The following CNTN6 variants were observed in gnomAD, a reference collection of about 807,000 sequenced individuals.
CNTN6 encodes contactin-6.
A neutral mutation model predicts 122.8 loss-of-function variants in CNTN6; 137 were observed. That is an observed-to-expected ratio of 1.12 (90% CI 0.97 to 1.29). The LOEUF is 1.29. Ranked by LOEUF, CNTN6 falls within the 50% of genes most tolerant of loss-of-function variation. The pLI is 0.00. For synonymous variants in CNTN6, 570 were observed against 426.0 expected, an observed-to-expected ratio of 1.34 and a Z score of -4.16; for missense variants, 1,634 against 1,223.4, an observed-to-expected ratio of 1.34 and a Z score of -5.01.
In CNTN6 at chr3:1,372,956, GTAAGCA is replaced by G. The variant is rs1709281422; in HGVS notation, c.1786+5_1786+10del. 6.6e-7 allele frequency: 1 copy of G among 1,519,190 alleles called. No individual in the cohort carries two copies. The highest frequency in any genetic ancestry group is 2.3e-5 in the East Asian group (1 of 43,884). The allele number at this position is 1,519,190 out of a possible 1,614,324, so 94.1% of individuals were successfully genotyped here. On this transcript the variant is annotated splice_donor_variant and splice_donor_5th_base_variant and intron_variant, in intron 14 of 22. Transcript: ENST00000446702. LOFTEE classifies it high-confidence loss of function. ...GCAGTAGCCGATATCATTGTTAGAG[GTAAGCA>G]TAAATGGTGAAAAAGTGATCACATT...
At chr3:1,311,715 G>A (rs1000436238) in intron 7 of CNTN6, among the ~76,000 whole-genome samples, 2 of 151,288 alleles carry the variant, frequency 1.3e-5, no homozygotes, top group African/African-American at 4.8e-5. Flanking sequence ...TCTTATTTCA[G>A]TATACATATA....
intron 4 of CNTN6, among the ~76,000 whole-genome samples, chr3:1,243,948 GA>G (rs1275873676): frequency 6.6e-6 from 1 of 152,122 alleles, no homozygotes; most frequent in African/African-American, 2.4e-5. Flanking sequence ...GAGGATCTGG[GA>G]GGAATCGCAT....
At chr3:1,337,802 C>A (rs1371724534) in intron 11 of CNTN6, among the ~76,000 whole-genome samples, 1 of 152,124 alleles carries the variant, frequency 6.6e-6, no homozygotes, top group East Asian at 1.9e-4. Context: ...CAAGAGCCAT[C>A]TGATAGTCTT....
chr3:1,368,253 A>T (rs1326294998), intron 12 of CNTN6, among the ~76,000 whole-genome samples: 1 of 152,206 alleles, frequency 6.6e-6, no homozygotes. Context: ...TTTCTTGTAC[A>T]ACCTCCACAA....
chr3:1,335,563 G>A (rs143351783), intron 11 of CNTN6, among the ~76,000 whole-genome samples: 4 of 152,082 alleles, frequency 2.6e-5, no homozygotes, highest in Non-Finnish European at 4.4e-5. Flanking sequence ...AATTTAATAG[G>A]AAGTGTTAAC....
intron 2 of CNTN6, among the ~76,000 whole-genome samples, chr3:1,167,947 T>A (rs2093288138): frequency 6.6e-6 from 1 of 152,218 alleles, no homozygotes; most frequent in Non-Finnish European, 1.5e-5. Flanking sequence ...AGTCTCACTC[T>A]GTCACTCAGG....
intron 16 of CNTN6, among the ~76,000 whole-genome samples, chr3:1,374,497 C>T (rs1709578680): frequency 6.6e-6 from 1 of 152,074 alleles, no homozygotes; most frequent in Non-Finnish European, 1.5e-5. Flanking sequence ...GTTGTAGCTT[C>T]ACTGAGCAGT....
At chr3:1,165,787 T>C (rs1360146872) in intron 2 of CNTN6, among the ~76,000 whole-genome samples, 1 of 152,166 alleles carries the variant, frequency 6.6e-6, no homozygotes, top group Non-Finnish European at 1.5e-5. Context: ...ACATGGCAGG[T>C]CAGTAACAGA....
At chr3:1,144,578 TA>T (rs202172218) in intron 1 of CNTN6, among the ~76,000 whole-genome samples, 7 of 109,786 alleles carry the variant, frequency 6.4e-5, no homozygotes, top group Non-Finnish European at 1.1e-4. Flanking sequence ...TCCATCTCAT[TA>T]AAAAATAATA....
In CNTN6 at chr3:1,238,791, T is replaced by C. The variant is rs142607030; in HGVS notation, c.358+10798T>C. On this transcript the variant is annotated intron_variant, in intron 4 of 22. Coordinates refer to ENST00000446702, the MANE Select transcript of CNTN6 (RefSeq NM_001289080.2). ...TTGGAAATCAACTCCAAAAGGATCC[T>C]TCAAAACCAGGCAAATACATGGAAA... is the stretch of plus-strand genomic sequence containing the variant. Among the ~76,000 whole-genome samples the C allele has an allele frequency of 3.4e-3, 519 of 152,210 alleles. 4 individuals carry two copies. Among genetic ancestry groups the C allele is most frequent in the African/African-American group, 0.012 (489 of 41,548 alleles).
chr3:1,299,090 T>C (rs1696768835), intron 7 of CNTN6, among the ~76,000 whole-genome samples: 3 of 152,220 alleles, frequency 2.0e-5, no homozygotes, highest in South Asian at 4.1e-4. Context: ...TTTCTCAGAA[T>C]AGTCATTTCT....
intron 19 of CNTN6, among the ~76,000 whole-genome samples, chr3:1,385,353 A>ATACTT (rs148530215): frequency 1.3e-5 from 2 of 152,162 alleles, no homozygotes; most frequent in East Asian, 1.9e-4. Context: ...AGCTCATAAA[A>ATACTT]TACTTTATTT....
chr3:1,353,091 T>C (rs148628625), intron 12 of CNTN6, among the ~76,000 whole-genome samples: 1 of 151,684 alleles, frequency 6.6e-6, no homozygotes, highest in Non-Finnish European at 1.5e-5. Flanking sequence ...AAGGACATAA[T>C]TAATATTAGA....
chr3:1,181,018 T>G (rs576424642), intron 2 of CNTN6, among the ~76,000 whole-genome samples: 1 of 152,286 alleles, frequency 6.6e-6, no homozygotes, highest in South Asian at 2.1e-4. Context: ...TTTATTTTAT[T>G]ATGACTGCTT....
At position 1,401,471 on chromosome 3, in the gene CNTN6, A is replaced by C. The variant is rs113501940; in HGVS notation, c.2743A>C (p.Thr915Pro). The change falls in exon 21 of 23, where the codon ACA becomes CCA. Residue 915 changes from threonine to proline, a missense_variant. By Grantham distance (38) the Thr-to-Pro change is conservative (BLOSUM62 -1). Transcript: ENST00000446702. ...ACCAGCAAACATTGCCTGGAAGCTG[A>C]CAAACTCTAAATTATGCTTGAACTG... ...QPPANIAWKL[T>P]NSKLCLNWEH... is the part of the protein sequence containing the mutation. The C allele has an allele frequency of 3.7e-6, 6 of 1,612,114 alleles. No individual in the cohort carries two copies. The highest frequency in any genetic ancestry group is 1.7e-6 in the Non-Finnish European group (2 of 1,178,736).
intron 2 of CNTN6, among the ~76,000 whole-genome samples, chr3:1,149,094 C>T (rs1343547080): frequency 6.6e-6 from 1 of 151,984 alleles, no homozygotes; most frequent in Non-Finnish European, 1.5e-5. Flanking sequence ...AGAAAAGCTG[C>T]AAAATTATAC....
intron 1 of CNTN6, among the ~76,000 whole-genome samples, chr3:1,104,291 C>CA (rs750325451): frequency 4.2e-4 from 63 of 151,772 alleles, no homozygotes; most frequent in Non-Finnish European, 7.2e-4. Flanking sequence ...TGAGATGCAC[C>CA]AAAAAGACTA....
chr3:1,387,995 G>T (rs1468753432), intron 20 of CNTN6, among the ~76,000 whole-genome samples: 1 of 152,144 alleles, frequency 6.6e-6, no homozygotes, highest in Non-Finnish European at 1.5e-5. Context: ...AGGGGCGCCC[G>T]CCATTGGCCA....
At chr3:1,102,394 C>T (rs2090948876) in intron 1 of CNTN6, among the ~76,000 whole-genome samples, 1 of 152,192 alleles carries the variant, frequency 6.6e-6, no homozygotes, top group Non-Finnish European at 1.5e-5. Flanking sequence ...ACTCAGAAAT[C>T]AGGTGTGCCG....
Sources: allele counts gnomAD v4.1 joint callset (sites outside exome capture counted in the v4.1 genomes callset), GRCh38; gene constraint gnomAD v4.1.1; transcripts MANE v1.5; gene names NCBI Gene and HGNC (gene_info 2026-07-23, HGNC 2026-07-21).